Variants in CORO7 observed in about 807,000 individuals in gnomAD.
The protein encoded by CORO7 is coronin 7, also known as coronin-7.
A neutral mutation model predicts 126.6 loss-of-function variants in CORO7; 107 were observed. That is an observed-to-expected ratio of 0.85 (90% CI 0.72 to 0.99). The LOEUF (loss-of-function observed/expected upper bound fraction) is 0.99, where lower values mean the gene tolerates loss of function less well. Ranked by LOEUF, CORO7 falls within the 50% of genes least tolerant of loss-of-function variation. The pLI, the probability that CORO7 is intolerant of heterozygous loss-of-function variation, is 0.00. For synonymous variants in CORO7, 603 were observed against 536.8 expected (o/e 1.12, Z -1.70); for missense variants, 1,314 against 1,255.8 (o/e 1.05, Z -0.70).
At chr16:4,408,892 G>A (rs953784149) in intron 3 of CORO7, among the ~76,000 whole-genome samples, 2 of 152,212 alleles carry the variant, frequency 1.3e-5, no homozygotes, top group Non-Finnish European at 2.9e-5. Flanking sequence ...GAACTCAGGA[G>A]GCAGAAGTTG....
chr16:4,416,284 G>A (rs1454258315), intron 1 of CORO7, among the ~76,000 whole-genome samples, 175 bp downstream of exon 1: 1 of 152,158 alleles, frequency 6.6e-6, no homozygotes, highest in Non-Finnish European at 1.5e-5. Flanking sequence ...TCTGCCCTCC[G>A]GCGGCGACGA....
rs769063398 is a variant in CORO7, at chr16:4,388,081, CGA to C, written c.703-15_703-14del. On this transcript the variant is annotated splice_polypyrimidine_tract_variant and intron_variant, in intron 8 of 27. Transcript: ENST00000251166. The stretch of plus-strand genomic sequence containing the variant: ...CGCGCTCACGCATCTGCAGGGAGGG[CGA>C]GAGAGGGGCTCAGAGGGGCCTGTCC... The C allele has an allele frequency of 1.2e-5, 20 of 1,608,158 alleles. No homozygotes were observed. The highest frequency in any genetic ancestry group is 1.6e-5 in the Non-Finnish European group (19 of 1,177,868).
chr16:4,375,952 C>T (rs1471641156), intron 9 of CORO7, among the ~76,000 whole-genome samples: 3 of 152,172 alleles, frequency 2.0e-5, no homozygotes, highest in South Asian at 4.1e-4. Context: ...GGTCACAAAG[C>T]GTGTGAGTGC....
chr16:4,406,328 C>T (rs531300244), intron 5 of CORO7, among the ~76,000 whole-genome samples: 1 of 152,168 alleles, frequency 6.6e-6, no homozygotes, highest in Admixed American at 6.5e-5. Flanking sequence ...CAGCATCTCA[C>T]TCTGTTGCCC....
intron 9 of CORO7, among the ~76,000 whole-genome samples, chr16:4,383,730 C>A (rs1257825681): frequency 6.6e-6 from 1 of 152,204 alleles, no homozygotes; most frequent in African/African-American, 2.4e-5. Flanking sequence ...TGGCCTCGGA[C>A]AAGAACGGGT....
intron 9 of CORO7, chr16:4,382,115 C>T (rs1171453924): frequency 8.2e-6 from 13 of 1,587,432 alleles, no homozygotes; most frequent in Admixed American, 1.7e-5. Flanking sequence ...CCACCGTCCA[C>T]CTGCCTCAAT....
At chr16:4,393,548 C>T (rs2055472667) in intron 7 of CORO7, among the ~76,000 whole-genome samples, 1 of 152,234 alleles carries the variant, frequency 6.6e-6, no homozygotes, top group Admixed American at 6.5e-5. Context: ...AAGCTGCAAT[C>T]TTCCATGTGA....
At position 4,393,626 on chromosome 16, in the gene CORO7, T is replaced by A. The variant is rs151230021; in HGVS notation, c.615+1663A>T. Among the ~76,000 whole-genome samples the A allele has an allele frequency of 4.7e-3, 710 of 152,258 alleles. 8 individuals carry two copies. Among genetic ancestry groups the A allele is most frequent in the African/African-American group, 0.016 (671 of 41,554 alleles). ...GGCTCCGGGCTACCACTAGTTTGGTTTGGGCTGGTGGTTTGCCCTTGACCC... is the reference window on the plus strand; with the variant it reads ...GGCTCCGGGCTACCACTAGTTTGGTATGGGCTGGTGGTTTGCCCTTGACCC... On this transcript the variant is annotated intron_variant, in intron 7 of 27. Transcript: ENST00000251166.
intron 4 of CORO7, 151 bp downstream of exon 4, chr16:4,408,030 A>C: frequency 8.1e-7 from 1 of 1,228,218 alleles, no homozygotes; most frequent in African/African-American, 1.5e-5. Context: ...CCAGTGTGGG[A>C]CCAGGAATTC....
intron 9 of CORO7, chr16:4,381,607 C>G: frequency 6.3e-7 from 1 of 1,598,904 alleles, no homozygotes; most frequent in Non-Finnish European, 8.5e-7. Context: ...CCTGACGCGC[C>G]TGCGGCTGGC....
chr16:4,367,067 C>T (rs1325518602), intron 9 of CORO7, among the ~76,000 whole-genome samples: 2 of 152,328 alleles, frequency 1.3e-5, no homozygotes, highest in East Asian at 3.9e-4. Context: ...ACCTCCCCTC[C>T]CCACACTTCC....
intron 9 of CORO7, among the ~76,000 whole-genome samples, chr16:4,376,335 C>T (rs1274987794): frequency 6.6e-6 from 1 of 152,194 alleles, no homozygotes; most frequent in African/African-American, 2.4e-5. Context: ...TTGGCAGACT[C>T]CCGGGGCTGG....
chr16:4,380,903 T>C, intron 9 of CORO7: 2 of 1,555,074 alleles, frequency 1.3e-6, no homozygotes, highest in Non-Finnish European at 1.7e-6. Context: ...CCTCTGCTGC[T>C]GCCGCTGCTC....
At chr16:4,357,045 G>T in intron 26 of CORO7, 123 bp downstream of exon 26, 2 of 1,297,284 alleles carry the variant, frequency 1.5e-6, no homozygotes, top group Non-Finnish European at 2.2e-6. Context: ...AGGCTCTGGT[G>T]TGAAGGGGAC....
intron 6 of CORO7, among the ~76,000 whole-genome samples, chr16:4,397,707 G>A (rs1464888158): frequency 1.3e-5 from 2 of 151,952 alleles, no homozygotes; most frequent in East Asian, 1.9e-4. Flanking sequence ...TCTGCCTCCC[G>A]GGTTCAAGCG....
intron 9 of CORO7, among the ~76,000 whole-genome samples, chr16:4,384,360 A>C (rs2055115787): frequency 6.6e-6 from 1 of 152,188 alleles, no homozygotes; most frequent in Non-Finnish European, 1.5e-5. Flanking sequence ...TGTGGCCTGG[A>C]CTGGGTGCAG....
intron 9 of CORO7, among the ~76,000 whole-genome samples, chr16:4,387,113 G>A (rs1474089344): frequency 6.6e-6 from 1 of 152,176 alleles, no homozygotes; most frequent in Non-Finnish European, 1.5e-5. Context: ...CACGGTTGAA[G>A]TTTCAGAAGG....
Position 4,362,907 on chromosome 16 carries a change from A to C in CORO7, c.1276-169T>G. ...GGGGCACGGGCATAAACGCAGACAC[A>C]CAGGGAAGCAGCCGAGCTTCAGACC... On this transcript the variant is annotated intron_variant, in intron 14 of 27. Coordinates refer to ENST00000251166, the MANE Select transcript of CORO7 (RefSeq NM_024535.5). This position sits in a 1 kb window ranked among gnomAD's most constrained non-coding sequence, Gnocchi z 5.3. 1 of 761,450 alleles carries C rather than the reference A, an allele frequency of 1.3e-6. No homozygotes were observed. Among genetic ancestry groups the C allele is most frequent in the Non-Finnish European group, 1.8e-6 (1 of 556,660 alleles). 47.2% of individuals were successfully genotyped at this position (761,450 alleles called of 1,614,324 possible).
chr16:4,381,979 C>G, intron 9 of CORO7: 1 of 1,607,794 alleles, frequency 6.2e-7, no homozygotes, highest in Non-Finnish European at 8.5e-7. Context: ...GGTGCGGGAG[C>G]CCACAGCCTT....
Sources: gnomAD v4.1 joint callset for allele counts (sites outside exome capture counted in the v4.1 genomes callset) on GRCh38, gnomAD v4.1.1 for gene constraint, Gnocchi (gnomAD v3.1) non-coding constraint, MANE v1.5 for transcripts, NCBI Gene and HGNC (gene_info 2026-07-23, HGNC 2026-07-21) for gene names.